Variants in STAG2 observed in about 807,000 individuals in gnomAD.
STAG2 encodes the protein cohesin subunit SA-2.
A neutral mutation model predicts 108.1 loss-of-function variants in STAG2; 14 were observed. That is an observed-to-expected ratio of 0.13 (90% CI 0.09 to 0.20). The LOEUF (loss-of-function observed/expected upper bound fraction) is 0.20, where lower values mean the gene tolerates loss of function less well. STAG2 is among the 10% of genes least tolerant of loss of function. The probability of loss-of-function intolerance (pLI) is 1.00; values close to 1 mark genes in which losing one functional copy is unlikely to be tolerated. For missense variants in STAG2, 440 were observed against 940.9 expected (o/e 0.47, Z 6.96); for synonymous variants, 307 against 302.7 (o/e 1.01, Z -0.15).
intron 4 of STAG2, among the ~76,000 whole-genome samples, chrX:124,030,634 T>C (rs1341817828): frequency 1.8e-5 from 2 of 111,815 alleles, no homozygotes; most frequent in African/African-American, 6.5e-5. Context: ...CTTTACAAAT[T>C]AGAAAAACAT....
intron 1 of STAG2, among the ~76,000 whole-genome samples, chrX:123,966,614 A>T (rs1408709294): frequency 1.8e-5 from 2 of 111,354 alleles, no homozygotes; most frequent in Non-Finnish European, 3.8e-5. Flanking sequence ...ATATATGATA[A>T]AGCAAAATTA....
chrX:123,976,689 G>A (rs1417935637), intron 1 of STAG2, among the ~76,000 whole-genome samples: 1 of 111,954 alleles, frequency 8.9e-6, no homozygotes, highest in African/African-American at 3.2e-5. Flanking sequence ...TATATGACAA[G>A]TTGTACTAGG....
chrX:124,038,507 T>C (rs2057591525), intron 6 of STAG2, among the ~76,000 whole-genome samples: 1 of 110,976 alleles, frequency 9.0e-6, no homozygotes, highest in Admixed American at 9.6e-5. Flanking sequence ...GTTAAGATGG[T>C]AAAGAATGAT....
intron 1 of STAG2, among the ~76,000 whole-genome samples, chrX:124,011,213 T>C (rs1303509897): frequency 1.8e-5 from 2 of 112,159 alleles, no homozygotes; most frequent in Non-Finnish European, 3.8e-5. Context: ...GTGTGTTGAT[T>C]TAATATCCTG....
intron 1 of STAG2, among the ~76,000 whole-genome samples, chrX:124,009,740 A>G (rs1274710273): frequency 9.0e-6 from 1 of 111,534 alleles, no homozygotes; most frequent in Non-Finnish European, 1.9e-5. Context: ...TAAATGTTTA[A>G]CATTTGTTAA....
intron 4 of STAG2, among the ~76,000 whole-genome samples, chrX:124,029,101 C>G (rs1335328960): frequency 9.4e-6 from 1 of 106,284 alleles, no homozygotes; most frequent in South Asian, 4.1e-4. Context: ...ACTGCAAGCT[C>G]CGCCTTCTGG....
intron 10 of STAG2, among the ~76,000 whole-genome samples, chrX:124,049,343 A>G (rs2057969530): frequency 8.9e-6 from 1 of 111,736 alleles, no homozygotes; most frequent in Non-Finnish European, 1.9e-5. Context: ...GCTACACAAT[A>G]CTTAATTGCC....
chrX:123,974,640 G>A (rs778916737), intron 1 of STAG2, among the ~76,000 whole-genome samples: 1 of 101,700 alleles, frequency 9.8e-6, no homozygotes, highest in Non-Finnish European at 2.0e-5. Context: ...GTGCAGTGGC[G>A]TGATCTCGGC....
In STAG2 at chrX:124,051,616, A is replaced by T. The variant is rs775175184; in HGVS notation, c.1196+222A>T. 2.8e-5 allele frequency among the ~76,000 whole-genome samples: 3 copies of T among 107,674 alleles called. No individual in the cohort carries two copies. In the South Asian group the frequency reaches 1.2e-3, roughly 44 times the overall value. 93.5% of individuals were successfully genotyped at this position (107,674 alleles called of 115,157 possible). A position where few individuals can be genotyped will look rare whatever the true frequency, so the allele number is the denominator to read the frequency against. On this transcript the variant is annotated intron_variant, in intron 13 of 34. Transcript: ENST00000371145. ...TTTTTCTTTTTTTTTTCTGAGACGG[A>T]GTCTCACTCTGTCCCCCAGGCTGGA...
At chrX:123,963,023 T>A (rs2053938144) in intron 1 of STAG2, 1 of 112,112 alleles carries the variant, frequency 8.9e-6, no homozygotes, top group Non-Finnish European at 1.9e-5. Flanking sequence ...AGAGGAATCA[T>A]CGAGGTTTCT....
At chrX:124,009,443 G>GTAGATAGATAGATAGATAGATAGA (rs1160208021) in intron 1 of STAG2, among the ~76,000 whole-genome samples, 1 of 63,596 alleles carries the variant, frequency 1.6e-5, no homozygotes. Flanking sequence ...AGGTAGGTAG[G>GTAGATAGATAGATAGATAGATAGA]TAGATAGATA....
chrX:124,021,542 CAT>C (rs975596080), intron 2 of STAG2, 111 bp downstream of exon 2: 4 of 112,150 alleles, frequency 3.6e-5, no homozygotes, highest in Non-Finnish European at 5.6e-5. Context: ...ACTTTCAAAA[CAT>C]AGACATAATA....
In STAG2 at chrX:124,066,345, T is replaced by G; in HGVS notation, c.2185-11T>G. ...TTAAATTTTAACTGTATCCTTTGAT[T>G]CTTTTTACAGATTGTTATTCACGCA... On this transcript the variant is annotated splice_polypyrimidine_tract_variant and intron_variant, in intron 22 of 34. Transcript: ENST00000371145. 8.3e-7 allele frequency: 1 copy of G among 1,201,750 alleles called. No homozygotes were observed. The highest frequency in any genetic ancestry group is 1.1e-6 in the Non-Finnish European group (1 of 888,785).
intron 1 of STAG2, among the ~76,000 whole-genome samples, chrX:123,998,672 A>G (rs1240629410): frequency 2.7e-5 from 3 of 109,796 alleles, no homozygotes; most frequent in Admixed American, 9.9e-5. Context: ...TATGAAGTCA[A>G]ATCTTAATGT....
At chrX:124,057,790 T>C in intron 14 of STAG2, 76 bp from the exon 15 acceptor site, 2 of 642,729 alleles carry the variant, frequency 3.1e-6, no homozygotes, top group Non-Finnish European at 4.5e-6. Flanking sequence ...AGATATGAAA[T>C]TGAAACAGTT....
At chrX:124,076,244 A>G in intron 25 of STAG2, 88 bp from the exon 26 acceptor site, 3 of 897,885 alleles carry the variant, frequency 3.3e-6, no homozygotes, top group Non-Finnish European at 4.7e-6. Context: ...AAATTCTCTT[A>G]TAAAAGCATG....
At chrX:124,024,512 G>A (rs1178299755) in intron 3 of STAG2, among the ~76,000 whole-genome samples, 1 of 110,862 alleles carries the variant, frequency 9.0e-6, no homozygotes, top group Non-Finnish European at 1.9e-5. Context: ...CTAGGGAATG[G>A]TATTTATTAC....
At chrX:124,023,634 A>T (rs2057001140) in intron 3 of STAG2, among the ~76,000 whole-genome samples, 1 of 111,551 alleles carries the variant, frequency 9.0e-6, no homozygotes, top group African/African-American at 3.3e-5. Context: ...AGGATGTTAC[A>T]TTAGATCCTG....
At chrX:123,964,084 C>T (rs1325308325) in intron 1 of STAG2, among the ~76,000 whole-genome samples, 1 of 111,239 alleles carries the variant, frequency 9.0e-6, no homozygotes, top group African/African-American at 3.3e-5. Context: ...TTTGTGCGTG[C>T]TGTTAAACAT....
Sources: gnomAD v4.1 joint callset for allele counts (sites outside exome capture counted in the v4.1 genomes callset) on GRCh38, gnomAD v4.1.1 for gene constraint, MANE v1.5 for transcripts, NCBI Gene and HGNC (gene_info 2026-07-23, HGNC 2026-07-21) for gene names.